DSP: variants seen among roughly 807,000 people sequenced by gnomAD.
DSP encodes the protein desmoplakin.
DSP carries 114 observed loss-of-function variants against 290.6 expected under a neutral mutation model. The ratio of observed to expected loss-of-function variants is 0.39; its 90% CI spans 0.34 to 0.46. The LOEUF (loss-of-function observed/expected upper bound fraction) is 0.46. Among genes scored for constraint, DSP ranks in the 20% least tolerant of loss-of-function variants. The pLI, the probability that DSP is intolerant of heterozygous loss-of-function variation, is 0.99. For missense variants in DSP, 3,230 were observed against 3,495.8 expected (o/e 0.92, Z 1.92); for synonymous variants, 1,311 against 1,316.4 (o/e 1.00, Z 0.09).
In DSP at chr6:7,579,769, A is replaced by C; in HGVS notation, c.3579A>C (p.Ala1193=). The C allele has an allele frequency of 1.2e-6, 2 of 1,613,984 alleles. No homozygotes were observed. The highest frequency in any genetic ancestry group is 1.7e-6 in the Non-Finnish European group (2 of 1,179,924). ...AGAGAGAATATGAAAATGAGCTGGCAAAGGTAAGAAACCACTATAATGAGG... is the reference window on the plus strand; with the variant it reads ...AGAGAGAATATGAAAATGAGCTGGCCAAGGTAAGAAACCACTATAATGAGG... ...TRKREYENEL[A]KVRNHYNEEM... Residue 1193 remains alanine, a synonymous_variant, in exon 23 of 24, where the codon GCA becomes GCC. Transcript: ENST00000379802. The surrounding 1 kb of genome is among the most constrained non-coding windows in gnomAD (Gnocchi z 4.1).
intron 2 of DSP, among the ~76,000 whole-genome samples, chr6:7,556,166 TG>T (rs1413220792): frequency 6.6e-6 from 1 of 152,208 alleles, no homozygotes. Context: ...GTTCCTGGGT[TG>T]GGATGGATCT....
In DSP at chr6:7,565,019, C is replaced by T. The variant is rs1025230255; in HGVS notation, c.778-340C>T. On this transcript the variant is annotated intron_variant, in intron 6 of 23. Coordinates refer to ENST00000379802, the MANE Select transcript of DSP (RefSeq NM_004415.4). The surrounding 1 kb of genome is among the most constrained non-coding windows in gnomAD (Gnocchi z 4.2). ...ATTAGCAGGACGTGGTGGTGCATGT[C>T]TGTAATCCCACCTACTCGGGAAGCT... Among the ~76,000 whole-genome samples the T allele has an allele frequency of 4.6e-5, 7 of 152,094 alleles. No individual in the cohort carries two copies. The highest frequency in any genetic ancestry group is 7.4e-5 in the Non-Finnish European group (5 of 68,022).
intron 5 of DSP, 118 bp from the exon 6 acceptor site, chr6:7,563,618 T>G: frequency 1.2e-6 from 1 of 866,810 alleles, no homozygotes; most frequent in Non-Finnish European, 1.9e-6. Context: ...TAGTAATTCT[T>G]TCTTTCTATG....
chr6:7,585,557 A>G lies in DSP; in HGVS notation c.8295A>G (p.Gln2765=), dbSNP rs1561705472. The G allele has an allele frequency of 1.2e-6, 2 of 1,614,200 alleles. No homozygotes were observed. The highest frequency in any genetic ancestry group is 1.6e-4 in the Middle Eastern group (1 of 6,062). Residue 2765 remains glutamine, a synonymous_variant, in exon 24 of 24, where the codon CAA becomes CAG. Coordinates refer to ENST00000379802, the MANE Select transcript of DSP (RefSeq NM_004415.4). ...ATGGCCGCGCCGCACAGAGGCTGCA[A>G]GACACCAGCAGCTATGCCAAAATCC... is the stretch of plus-strand genomic sequence containing the variant. ...FIDGRAAQRL[Q]DTSSYAKILT...
intron 18 of DSP, 100 bp from the exon 19 acceptor site, chr6:7,576,194 G>T: frequency 1.5e-6 from 2 of 1,338,902 alleles, no homozygotes; most frequent in Non-Finnish European, 2.1e-6. Context: ...AATATGATCA[G>T]TTTTCTTGGG....
At chr6:7,559,653 CAT>C (rs1193386686) in intron 4 of DSP, among the ~76,000 whole-genome samples, 7 of 152,216 alleles carry the variant, frequency 4.6e-5, no homozygotes, top group African/African-American at 9.6e-5. Context: ...TCATATTTAA[CAT>C]GTGTAATTTA....
rs1759180540 is a variant in DSP at position 7,574,706 on chromosome 6, A to T, written c.2347A>T (p.Met783Leu). The change falls in exon 17 of 24, where the codon ATG becomes TTG. Residue 783 changes from methionine to leucine, a missense_variant. Transcript: ENST00000379802. ...CCAGGCTATTCTCCAAACAGAAGAC[A>T]TGTTAAAGGTTTATGAAGCCAGGCT... ...LLQAILQTEDMLKVYEARLTE... is the reference protein window; with the variant it reads ...LLQAILQTEDLLKVYEARLTE... 1.9e-6 allele frequency: 3 copies of T among 1,614,016 alleles called. No homozygotes were observed. Among genetic ancestry groups the T allele is most frequent in the Non-Finnish European group, 2.5e-6 (3 of 1,180,032 alleles).
intron 1 of DSP, among the ~76,000 whole-genome samples, chr6:7,548,890 A>C (rs1479787453): frequency 1.3e-5 from 2 of 152,164 alleles, no homozygotes; most frequent in Non-Finnish European, 2.9e-5. Context: ...CCAAACAAAC[A>C]TTCATTAAGT....
chr6:7,581,045 C>G lies in DSP; in HGVS notation c.4855C>G (p.Leu1619Val), dbSNP rs748671969. 6 of 1,613,932 alleles carry G rather than the reference C, an allele frequency of 3.7e-6. No homozygotes were observed. Among genetic ancestry groups the G allele is most frequent in the Non-Finnish European group, 5.1e-6 (6 of 1,180,038 alleles). The stretch of plus-strand genomic sequence containing the variant: ...CAAAATCACCAACCTGACCCAGCAG[C>G]TGGAGCAGGCATCCATTGTTAAGAA... ...AIKITNLTQQ[L>V]EQASIVKKRS... Residue 1619 changes from leucine to valine, a missense_variant, in exon 23 of 24, where the codon CTG becomes GTG. Around this residue, in one of 5 missense-constraint regions of DSP, gnomAD observed 1,714 missense variants for 1,844.5 expected, o/e 0.93. Coordinates refer to ENST00000379802, the MANE Select transcript of DSP (RefSeq NM_004415.4).
rs777088675 is a variant in DSP, at chr6:7,570,465, G to A, written c.1603G>A (p.Ala535Thr). The A allele has an allele frequency of 2.5e-6, 4 of 1,614,084 alleles. No individual in the cohort carries two copies. The highest frequency in any genetic ancestry group is 3.4e-6 in the Non-Finnish European group (4 of 1,180,004). Residue 535 changes from alanine (A) to threonine (T), a missense_variant, in exon 13 of 24, where the codon GCT becomes ACT. Around this residue, in one of 5 missense-constraint regions of DSP, gnomAD observed 646 missense variants for 684.3 expected, o/e 0.94. Transcript: ENST00000379802. ...TGAGCAGTACTACGAAGCCATCTTG[G>A]CTCTGTGGAACCAGCTCTACATCAA... is the stretch of plus-strand genomic sequence containing the variant. The part of the protein sequence containing the change: ...KIEQYYEAIL[A>T]LWNQLYINMK...
chr6:7,550,918 C>T (rs1758322685), intron 1 of DSP, among the ~76,000 whole-genome samples: 1 of 151,822 alleles, frequency 6.6e-6, no homozygotes, highest in Non-Finnish European at 1.5e-5. Flanking sequence ...ATCTTTCAAC[C>T]CCTAACACCC....
intron 1 of DSP, among the ~76,000 whole-genome samples, chr6:7,550,626 TAAAA>T (rs200635304): frequency 6.6e-6 from 1 of 150,912 alleles, no homozygotes; most frequent in Non-Finnish European, 1.5e-5. Context: ...AGGATGAACT[TAAAA>T]AAAAAGTATG....
At position 7,585,179 on chromosome 6, in the gene DSP, G is replaced by C; in HGVS notation, c.7917G>C (p.Arg2639=). ...EKISITEGIE[R]GIVDSITGQR... is the part of the protein sequence containing the mutation. ...TCTCCATTACAGAAGGTATAGAGCG[G>C]GGCATCGTTGACAGCATCACGGGTC... Residue 2639 remains arginine, a synonymous_variant, in exon 24 of 24, where the codon CGG becomes CGC. Transcript: ENST00000379802. 1 of 1,614,102 alleles carries C rather than the reference G, an allele frequency of 6.2e-7. No individual in the cohort carries two copies. Among genetic ancestry groups the C allele is most frequent in the Non-Finnish European group, 8.5e-7 (1 of 1,180,014 alleles).
At chr6:7,573,276 T>TA (rs1759116763) in intron 15 of DSP, among the ~76,000 whole-genome samples, 1 of 152,022 alleles carries the variant, frequency 6.6e-6, no homozygotes, top group Non-Finnish European at 1.5e-5. Flanking sequence ...TATTTACCTT[T>TA]AAAAAAGAAA....
Position 7,567,417 on chromosome 6 carries a change from G to C in DSP, c.1108G>C (p.Val370Leu). 6.2e-7 allele frequency: 1 copy of C among 1,613,996 alleles called. No individual in the cohort carries two copies. Among genetic ancestry groups the C allele is most frequent in the African/African-American group, 1.3e-5 (1 of 75,014 alleles). The change falls in exon 9 of 24, where the codon GTT becomes CTT. Residue 370 changes from valine (V) to leucine (L), a missense_variant. Physicochemically the swap from Val to Leu is conservative, Grantham distance 32. Coordinates refer to ENST00000379802, the MANE Select transcript of DSP (RefSeq NM_004415.4). ...TCTTCAGATCACCAAGTGCATTGAT[G>C]TTCATCTGAAAGAAAATGCTGCCTA... ...WILQITKCIDVHLKENAAYFQ... is the reference protein window; with the variant it reads ...WILQITKCIDLHLKENAAYFQ...
At chr6:7,574,633 A>G (rs769034787) in intron 16 of DSP, 24 bp from the exon 17 acceptor site, 3 of 1,613,902 alleles carry the variant, frequency 1.9e-6, no homozygotes, top group Non-Finnish European at 2.5e-6. Flanking sequence ...TGGCAATTTT[A>G]TGTGCTTCTT....
At position 7,579,572 on chromosome 6, in the gene DSP, G is replaced by A; in HGVS notation, c.3382G>A (p.Val1128Met). ...AGATGAAAAGAGAAGAAGAAAATCT[G>A]TGGAAGACAGATTTGACCAACAGAA... is the stretch of plus-strand genomic sequence containing the variant. Reference protein sequence around the residue: ...IEDEKRRRKSVEDRFDQQKND... With the variant: ...IEDEKRRRKSMEDRFDQQKND... The change falls in exon 23 of 24, where the codon GTG (valine) becomes ATG (methionine). Residue 1128 changes from valine to methionine, a missense_variant. Around this residue, in one of 5 missense-constraint regions of DSP, gnomAD observed 1,714 missense variants for 1,844.5 expected, o/e 0.93. Transcript: ENST00000379802. The surrounding 1 kb of genome is among the most constrained non-coding windows in gnomAD (Gnocchi z 4.1). 1 of 1,613,938 alleles carries A rather than the reference G, an allele frequency of 6.2e-7. No homozygotes were observed. The highest frequency in any genetic ancestry group is 8.5e-7 in the Non-Finnish European group (1 of 1,180,036).
chr6:7,548,867 C>T (rs1475103970), intron 1 of DSP, among the ~76,000 whole-genome samples: 1 of 152,114 alleles, frequency 6.6e-6, no homozygotes, highest in African/African-American at 2.4e-5. Flanking sequence ...TGTTTTTCTT[C>T]CACTTTACTA....
In DSP at chr6:7,582,573, A is replaced by T; in HGVS notation, c.5380-69A>T. ...AAAGATAGATACACAAAAGAAAGTTAAGTCGTGATAGTAATATGATATGAT... is the reference window on the plus strand; with the variant it reads ...AAAGATAGATACACAAAAGAAAGTTTAGTCGTGATAGTAATATGATATGAT... On this transcript the variant is annotated intron_variant, in intron 23 of 23. Coordinates refer to ENST00000379802, the MANE Select transcript of DSP (RefSeq NM_004415.4). This position sits in a 1 kb window ranked among gnomAD's most constrained non-coding sequence, Gnocchi z 4.2. 1 of 1,340,226 alleles carries T rather than the reference A, an allele frequency of 7.5e-7. No individual in the cohort carries two copies. The highest frequency in any genetic ancestry group is 1.1e-6 in the Non-Finnish European group (1 of 943,870). 83.0% of individuals were successfully genotyped at this position (1,340,226 alleles called of 1,614,324 possible).
Sources: allele counts gnomAD v4.1 joint callset (sites outside exome capture counted in the v4.1 genomes callset), GRCh38; gene constraint gnomAD v4.1.1; regional missense constraint gnomAD v4.1.1; non-coding constraint Gnocchi (gnomAD v3.1); transcripts MANE v1.5; gene names NCBI Gene and HGNC (gene_info 2026-07-23, HGNC 2026-07-21).